MGAM2: variants seen among roughly 807,000 people sequenced by gnomAD.
The protein encoded by MGAM2 is probable maltase-glucoamylase 2.
A neutral mutation model predicts 96.1 loss-of-function variants in MGAM2; 98 were observed. The ratio of observed to expected loss-of-function variants is 1.02; its 90% CI spans 0.87 to 1.21. MGAM2 has a LOEUF of 1.21. MGAM2 is among the 50% of genes most tolerant of loss of function. The pLI, the probability that MGAM2 is intolerant of heterozygous loss-of-function variation, is 0.00. For missense variants in MGAM2, 2,055 were observed against 1,182.4 expected, an observed-to-expected ratio of 1.74 and a Z score of -10.82; for synonymous variants, 749 against 414.8, an observed-to-expected ratio of 1.81 and a Z score of -9.79.
intron 15 of MGAM2, among the ~76,000 whole-genome samples, chr7:142,149,991 G>T (rs548020650): frequency 2.6e-5 from 4 of 151,566 alleles, no homozygotes; most frequent in African/African-American, 4.9e-5. Context: ...GCCCAGGCTG[G>T]AGTGCAATGG....
intron 23 of MGAM2, among the ~76,000 whole-genome samples, chr7:142,162,345 T>C (rs1275075323): frequency 6.6e-6 from 1 of 152,082 alleles, no homozygotes; most frequent in Non-Finnish European, 1.5e-5. Context: ...TATGGCACAT[T>C]TTTAAGGTTC....
intron 46 of MGAM2, among the ~76,000 whole-genome samples, chr7:142,212,194 T>A (rs1047726573): frequency 6.6e-6 from 1 of 152,190 alleles, no homozygotes; most frequent in African/African-American, 2.4e-5. Context: ...CAAGAGCTCC[T>A]GAAGGAAGCA....
chr7:142,168,271 CT>C (rs71727326), intron 26 of MGAM2, among the ~76,000 whole-genome samples: 10,848 of 140,728 alleles, frequency 0.077, 564 homozygotes, highest in African/African-American at 0.16. Flanking sequence ...GCATTTCTTT[CT>C]TTTTTTTTTT....
intron 32 of MGAM2, among the ~76,000 whole-genome samples, chr7:142,179,029 G>A (rs910534967): frequency 2.6e-5 from 4 of 152,002 alleles, no homozygotes; most frequent in East Asian, 1.9e-4. Context: ...TGTTGTTGTC[G>A]TAAATGGGAT....
intron 15 of MGAM2, among the ~76,000 whole-genome samples, chr7:142,152,816 G>A (rs901692745): frequency 1.3e-5 from 2 of 151,700 alleles, no homozygotes; most frequent in Admixed American, 6.6e-5. Flanking sequence ...ACCACAGGGG[G>A]GAAAAAAGAA....
At position 142,149,155 on chromosome 7, in the gene MGAM2, G is replaced by A. The variant is rs528802515; in HGVS notation, c.1634+1582G>A. 9.9e-5 allele frequency among the ~76,000 whole-genome samples: 15 copies of A among 151,988 alleles called. 1 individual carries two copies. The South Asian group carries it at 2.3e-3, about 23-fold the overall frequency. ...GAGGCAGGAGGATCGCTTGAACCCG[G>A]GAGACGGAGGTTGCAGTGAGCCGAG... On this transcript the variant is annotated intron_variant, in intron 15 of 47. Transcript: ENST00000477922.
chr7:142,127,625 A>G (rs183931703), intron 3 of MGAM2, among the ~76,000 whole-genome samples: 21 of 152,114 alleles, frequency 1.4e-4, no homozygotes, highest in African/African-American at 5.1e-4. Flanking sequence ...ATCATGGGGC[A>G]CTTTCCCCCA....
intron 32 of MGAM2, among the ~76,000 whole-genome samples, chr7:142,182,065 A>G (rs554024730): frequency 6.4e-4 from 97 of 152,240 alleles, no homozygotes; most frequent in African/African-American, 2.3e-3. Context: ...AGAGGGAGGC[A>G]TGCCCAACTC....
At chr7:142,124,641 A>T (rs914543156) in intron 3 of MGAM2, among the ~76,000 whole-genome samples, 1 of 152,162 alleles carries the variant, frequency 6.6e-6, no homozygotes, top group Non-Finnish European at 1.5e-5. Context: ...TTTTATTGTG[A>T]TTACATAAAA....
At chr7:142,171,605 C>CATATATAT (rs34204853) in intron 28 of MGAM2, among the ~76,000 whole-genome samples, 165 bp downstream of exon 28, 14 of 64,996 alleles carry the variant, frequency 2.2e-4, no homozygotes, top group Non-Finnish European at 3.2e-4. Flanking sequence ...CCCTAAAAGG[C>CATATATAT]ATATATATAT....
chr7:142,182,039 C>T (rs1796560610), intron 32 of MGAM2, among the ~76,000 whole-genome samples: 1 of 152,134 alleles, frequency 6.6e-6, no homozygotes, highest in African/African-American at 2.4e-5. Context: ...CTACATCCTT[C>T]CCAGACCAGT....
Position 142,148,672 on chromosome 7 carries a change from T to A in MGAM2, c.1634+1099T>A, listed in dbSNP as rs1795462280. Among the ~76,000 whole-genome samples, 1 of 152,238 alleles carries A rather than the reference T, an allele frequency of 6.6e-6. No homozygotes were observed. Among genetic ancestry groups the A allele is most frequent in the South Asian group, 2.1e-4 (1 of 4,836 alleles). Reference sequence around the variant, plus strand: ...AAATTTGGGGCCAGGCTTAAGATTTTAATTTGAATTTGCAGCACAGATGCG... The same window carrying A: ...AAATTTGGGGCCAGGCTTAAGATTTAAATTTGAATTTGCAGCACAGATGCG... On this transcript the variant is annotated intron_variant, in intron 15 of 47. Transcript: ENST00000477922. The surrounding 1 kb of genome is among the most constrained non-coding windows in gnomAD (Gnocchi z 4.2).
At chr7:142,173,555 C>A (rs1009963160) in intron 31 of MGAM2, among the ~76,000 whole-genome samples, 2 of 152,096 alleles carry the variant, frequency 1.3e-5, no homozygotes, top group African/African-American at 4.8e-5. Context: ...AAAAAATCCA[C>A]AAATCTACCT....
chr7:142,174,715 C>CTCTCTTTTTTTTTTTTTTT (rs1194981898), intron 31 of MGAM2, among the ~76,000 whole-genome samples: 1 of 85,462 alleles, frequency 1.2e-5, no homozygotes, highest in African/African-American at 5.7e-5. Flanking sequence ...CTCTCTCTCT[C>CTCTCTTTTTTTTTTTTTTT]TTTTTTTTTT....
At chr7:142,183,787 C>T (rs532596296) in intron 33 of MGAM2, among the ~76,000 whole-genome samples, 2 of 152,044 alleles carry the variant, frequency 1.3e-5, no homozygotes, top group East Asian at 3.9e-4. Context: ...TCTCTTGTTT[C>T]CTTTAATTCG....
intron 46 of MGAM2, among the ~76,000 whole-genome samples, chr7:142,210,509 GC>G (rs759217713): frequency 2.2e-4 from 34 of 152,260 alleles, no homozygotes; most frequent in Non-Finnish European, 4.0e-4. Flanking sequence ...GGAGGGAGGG[GC>G]ATCCGCCATT....
Position 142,197,558 on chromosome 7 carries a change from G to A in MGAM2, c.4781+10G>A, listed in dbSNP as rs1797085771. ...GGCCCCTTCTCCATGAGTGAGTACA[G>A]CCTCTTTCCCCAAGCATGTCTTGCA... On this transcript the variant is annotated intron_variant, in intron 41 of 47. Coordinates refer to ENST00000477922, the MANE Select transcript of MGAM2 (RefSeq NM_001293626.2). The A allele has an allele frequency of 1.4e-6, 1 of 703,002 alleles. No homozygotes were observed. The highest frequency in any genetic ancestry group is 2.6e-6 in the Non-Finnish European group (1 of 384,994). The allele number at this position is 703,002 out of a possible 1,614,324, so 43.5% of individuals were successfully genotyped here.
chr7:142,185,840 C>T (rs1796677092), intron 34 of MGAM2, 149 bp from the exon 35 acceptor site: 4 of 509,692 alleles, frequency 7.8e-6, no homozygotes. Context: ...TCCCCAATCT[C>T]TGCTTCTGTT....
At chr7:142,156,721 G>A (rs185576317) in intron 17 of MGAM2, among the ~76,000 whole-genome samples, 1 of 152,082 alleles carries the variant, frequency 6.6e-6, no homozygotes, top group Non-Finnish European at 1.5e-5. Flanking sequence ...GTGGTCTCAT[G>A]GAGTCATTCT....
Sources: gnomAD v4.1 joint callset for allele counts (sites outside exome capture counted in the v4.1 genomes callset) on GRCh38, gnomAD v4.1.1 for gene constraint, Gnocchi (gnomAD v3.1) non-coding constraint, MANE v1.5 for transcripts, NCBI Gene and HGNC (gene_info 2026-07-23, HGNC 2026-07-21) for gene names.